The following MCTP1 variants were observed in gnomAD, a reference collection of about 807,000 sequenced individuals.
MCTP1 encodes the protein multiple C2 and transmembrane domain containing 1, also known as multiple C2 and transmembrane domain-containing protein 1.
MCTP1 carries 69 observed loss-of-function variants against 120.6 expected under a neutral mutation model. The observed-to-expected ratio is 0.57, with a 90% CI of 0.47 to 0.70. The LOEUF (loss-of-function observed/expected upper bound fraction) is 0.70, where lower values mean the gene tolerates loss of function less well. Ranked by LOEUF, MCTP1 falls within the 30% of genes least tolerant of loss-of-function variation. The probability of loss-of-function intolerance (pLI) is 0.00; values close to 1 mark genes in which losing one functional copy is unlikely to be tolerated. For synonymous variants in MCTP1, 529 were observed against 493.1 expected (o/e 1.07, Z -0.96); for missense variants, 1,203 against 1,248.8 (o/e 0.96, Z 0.55).
Position 94,999,461 on chromosome 5 carries a change from T to C in MCTP1, c.838+17906A>G, listed in dbSNP as rs1363751594. Among the ~76,000 whole-genome samples the C allele has an allele frequency of 2.6e-5, 4 of 152,298 alleles. No individual in the cohort carries two copies. In the East Asian group the frequency reaches 7.7e-4, roughly 29 times the overall value. On this transcript the variant is annotated intron_variant, in intron 2 of 22. Transcript: ENST00000515393. Reference sequence around the variant, plus strand: ...TATTAAAAAAATAACGTTGGCAAAGTCTATGCACATGATGAAGAAAATGGG... The same window carrying C: ...TATTAAAAAAATAACGTTGGCAAAGCCTATGCACATGATGAAGAAAATGGG...
rs182843187 is a variant in MCTP1, at chr5:95,117,298, G to C, written c.721-99814C>G. ...CCCAGCTACTCAGGAGGCTGAGGCC[G>C]GAGAATGGCATGAACCCGGGAGGCA... On this transcript the variant is annotated intron_variant, in intron 1 of 22. Coordinates refer to ENST00000515393, the MANE Select transcript of MCTP1 (RefSeq NM_024717.7). Among the ~76,000 whole-genome samples, 565 of 151,196 alleles carry C rather than the reference G, an allele frequency of 3.7e-3. 4 individuals are homozygous for C. Among genetic ancestry groups the C allele is most frequent in the African/African-American group, 0.013 (526 of 41,124 alleles).
chr5:95,044,858 G>C (rs1842915353), intron 1 of MCTP1, among the ~76,000 whole-genome samples: 1 of 151,926 alleles, frequency 6.6e-6, no homozygotes, highest in African/African-American at 2.4e-5. Flanking sequence ...ACGTGAATCA[G>C]GGCAGCAGAC....
intron 18 of MCTP1, chr5:94,789,739 C>T (rs1778494442): frequency 6.6e-6 from 1 of 152,162 alleles, no homozygotes; most frequent in African/African-American, 2.4e-5. Context: ...TTCATGTATT[C>T]TATCAGTTGT....
intron 17 of MCTP1, among the ~76,000 whole-genome samples, chr5:94,837,170 G>A (rs952258311): frequency 2.0e-5 from 3 of 152,060 alleles, no homozygotes; most frequent in African/African-American, 4.8e-5. Context: ...TTGAGAACAC[G>A]AGTTCCAGAC....
At chr5:94,904,730 T>G (rs1329707162) in intron 10 of MCTP1, among the ~76,000 whole-genome samples, 1 of 152,234 alleles carries the variant, frequency 6.6e-6, no homozygotes, top group Non-Finnish European at 1.5e-5. Flanking sequence ...GCCTTTCCAT[T>G]AATGCCTGGT....
At chr5:95,121,309 A>G (rs1231620036) in intron 1 of MCTP1, among the ~76,000 whole-genome samples, 3 of 146,274 alleles carry the variant, frequency 2.1e-5, no homozygotes, top group Admixed American at 2.0e-4. Context: ...AAAAAGTTGC[A>G]GGACACAAAA....
chr5:95,258,977 T>C (rs1373390183), intron 1 of MCTP1, among the ~76,000 whole-genome samples: 1 of 152,144 alleles, frequency 6.6e-6, no homozygotes, highest in Non-Finnish European at 1.5e-5. Context: ...GAAGGCATAG[T>C]ACAATTTCCT....
chr5:94,953,834 T>TATATATACAAATATATATGC (rs540170716), intron 2 of MCTP1, among the ~76,000 whole-genome samples: 10 of 44,148 alleles, frequency 2.3e-4, no homozygotes, highest in Admixed American at 2.7e-4. Context: ...TATATACATA[T>TATATATACAAATATATATGC]ATATATATAC....
chr5:94,789,543 C>T (rs1778441273), intron 18 of MCTP1: 2 of 152,154 alleles, frequency 1.3e-5, no homozygotes. Flanking sequence ...TAAAACCAAA[C>T]ATGGAGTTAC....
chr5:94,839,733 C>T (rs555244011), intron 17 of MCTP1, among the ~76,000 whole-genome samples: 1 of 152,198 alleles, frequency 6.6e-6, no homozygotes, highest in South Asian at 2.1e-4. Context: ...GGATTTGAAG[C>T]CTGGCTCTGG....
chr5:94,726,250 G>A (rs746387648), intron 19 of MCTP1, among the ~76,000 whole-genome samples: 13 of 152,182 alleles, frequency 8.5e-5, no homozygotes, highest in Non-Finnish European at 1.9e-4. Context: ...CACCTGAGCA[G>A]AATGTTCATT....
chr5:94,911,791 A>C (rs559687047), intron 9 of MCTP1, among the ~76,000 whole-genome samples: 155 of 152,250 alleles, frequency 1.0e-3, no homozygotes, highest in African/African-American at 3.5e-3. Flanking sequence ...TTATTGTTTA[A>C]TACATTATTA....
At chr5:94,820,259 T>C (rs942012287) in intron 17 of MCTP1, among the ~76,000 whole-genome samples, 3 of 152,196 alleles carry the variant, frequency 2.0e-5, no homozygotes, top group African/African-American at 7.2e-5. Flanking sequence ...ACCCAAATGA[T>C]TATTTTTGGC....
intron 1 of MCTP1, among the ~76,000 whole-genome samples, chr5:95,070,002 C>T (rs1751735585): frequency 1.3e-5 from 2 of 152,286 alleles, no homozygotes; most frequent in South Asian, 2.1e-4. Flanking sequence ...CGTGCCCGGC[C>T]GACCCTCCCT....
intron 1 of MCTP1, among the ~76,000 whole-genome samples, chr5:95,087,552 G>A (rs1354140873): frequency 6.6e-6 from 1 of 152,198 alleles, no homozygotes; most frequent in Non-Finnish European, 1.5e-5. Flanking sequence ...ACAGCTCTGG[G>A]TTGTTACATG....
At chr5:95,122,538 C>G (rs1483042182) in intron 1 of MCTP1, among the ~76,000 whole-genome samples, 1 of 152,056 alleles carries the variant, frequency 6.6e-6, no homozygotes, top group Non-Finnish European at 1.5e-5. Context: ...GAAACCCTCC[C>G]GCACTCTGGG....
intron 1 of MCTP1, among the ~76,000 whole-genome samples, chr5:95,033,593 A>C (rs948627153): frequency 6.6e-6 from 1 of 151,956 alleles, no homozygotes; most frequent in African/African-American, 2.4e-5. Context: ...TAACAAAACA[A>C]ATTTATGACA....
chr5:95,248,666 C>G (rs1195430634), intron 1 of MCTP1, among the ~76,000 whole-genome samples: 1 of 152,140 alleles, frequency 6.6e-6, no homozygotes, highest in African/African-American at 2.4e-5. Context: ...TTGGAAAAAA[C>G]TACTTTAAAA....
intron 18 of MCTP1, among the ~76,000 whole-genome samples, chr5:94,791,003 T>G (rs1778776634): frequency 6.7e-6 from 1 of 149,826 alleles, no homozygotes; most frequent in Non-Finnish European, 1.5e-5. Context: ...CCAGGCGCGG[T>G]GCCTCGCGCC....
Sources: gnomAD v4.1 joint callset for allele counts (sites outside exome capture counted in the v4.1 genomes callset) on GRCh38, gnomAD v4.1.1 for gene constraint, MANE v1.5 for transcripts, NCBI Gene and HGNC (gene_info 2026-07-23, HGNC 2026-07-21) for gene names.